The following PTPRD variants were observed in gnomAD, a reference collection of about 807,000 sequenced individuals.
PTPRD encodes receptor-type tyrosine-protein phosphatase delta.
PTPRD carries 34 observed loss-of-function variants against 214.5 expected under a neutral mutation model. That is an observed-to-expected ratio of 0.16 (90% CI 0.12 to 0.21). The LOEUF (loss-of-function observed/expected upper bound fraction) is 0.21, where lower values mean the gene tolerates loss of function less well. Ranked by LOEUF, PTPRD falls within the 10% of genes least tolerant of loss-of-function variation. The probability of loss-of-function intolerance (pLI) is 1.00; values close to 1 mark genes in which losing one functional copy is unlikely to be tolerated. For synonymous variants in PTPRD, 1,128 were observed against 845.7 expected (o/e 1.33, Z -5.79); for missense variants, 2,545 against 2,398.7 (o/e 1.06, Z -1.27).
intron 10 of PTPRD, chr9:9,090,858 A>G: frequency 1.1e-6 from 1 of 873,942 alleles, no homozygotes; most frequent in Non-Finnish European, 1.9e-6. Context: ...GACAGGTTAA[A>G]AATTTCTTTA....
intron 14 of PTPRD, among the ~76,000 whole-genome samples, chr9:8,618,265 T>G (rs1441376715): frequency 6.6e-6 from 1 of 152,100 alleles, no homozygotes; most frequent in African/African-American, 2.4e-5. Context: ...TTGTAAGATA[T>G]TTGGGTTCTG....
chr9:9,529,514 C>T (rs963856640), intron 8 of PTPRD, among the ~76,000 whole-genome samples: 1 of 151,976 alleles, frequency 6.6e-6, no homozygotes, highest in Middle Eastern at 3.2e-3. Context: ...GGAAAATAAA[C>T]ACATGAAAAG....
rs72708119 is a variant in PTPRD at position 8,952,066 on chromosome 9, A to G, written c.-104+66631T>C. On this transcript the variant is annotated intron_variant, in intron 11 of 45. Transcript: ENST00000381196. ...TAGAGTAGTCTTCCCTTACTTGACT[A>G]TAACTATTTACCTTATTTCTCTCTG... Among the ~76,000 whole-genome samples, 816 of 152,106 alleles carry G rather than the reference A, an allele frequency of 5.4e-3. 2 individuals are homozygous for G. Among genetic ancestry groups the G allele is most frequent in the African/African-American group, 0.011 (445 of 41,526 alleles).
chr9:10,253,417 T>C (rs2092966357), intron 3 of PTPRD, among the ~76,000 whole-genome samples: 1 of 152,180 alleles, frequency 6.6e-6, no homozygotes, highest in Non-Finnish European at 1.5e-5. Flanking sequence ...AGGCATGCAG[T>C]AGCTAAATTG....
At chr9:10,363,065 GT>G (rs1239593339) in intron 2 of PTPRD, among the ~76,000 whole-genome samples, 1 of 152,078 alleles carries the variant, frequency 6.6e-6, no homozygotes, top group Non-Finnish European at 1.5e-5. Flanking sequence ...GAGGTTCTTT[GT>G]TTAGTTTTGA....
At chr9:10,009,980 T>C (rs138440718) in intron 4 of PTPRD, among the ~76,000 whole-genome samples, 4 of 152,044 alleles carry the variant, frequency 2.6e-5, no homozygotes, top group South Asian at 4.1e-4. Flanking sequence ...CTTCCCATCA[T>C]GGCCTGAATT....
chr9:10,272,086 T>A (rs2094453292), intron 3 of PTPRD, among the ~76,000 whole-genome samples: 1 of 152,148 alleles, frequency 6.6e-6, no homozygotes, highest in Non-Finnish European at 1.5e-5. Context: ...TAACAGTCAC[T>A]CATCATTTCC....
rs944475835 is a variant in PTPRD at position 8,572,459 on chromosome 9, A to G, written c.353-43680T>C. On this transcript the variant is annotated intron_variant, in intron 14 of 45. Coordinates refer to ENST00000381196, the MANE Select transcript of PTPRD (RefSeq NM_002839.4). ...GCAGTTACACACATAAAATGACTTCAGGGAAACTCTTCACTTAGGGAAAAA... is the reference window on the plus strand; with the variant it reads ...GCAGTTACACACATAAAATGACTTCGGGGAAACTCTTCACTTAGGGAAAAA... Among the ~76,000 whole-genome samples the G allele has an allele frequency of 2.0e-5, 3 of 152,096 alleles. No homozygotes were observed. The East Asian group carries it at 5.8e-4, about 29-fold the overall frequency.
At chr9:9,289,483 A>T (rs763517312) in intron 9 of PTPRD, among the ~76,000 whole-genome samples, 4 of 151,670 alleles carry the variant, frequency 2.6e-5, no homozygotes, top group South Asian at 2.1e-4. Context: ...TACTATTTGC[A>T]TGTGTGTGTG....
intron 33 of PTPRD, among the ~76,000 whole-genome samples, chr9:8,450,935 T>TG (rs907781328): frequency 4.5e-4 from 69 of 152,094 alleles, no homozygotes; most frequent in Admixed American, 1.9e-3. Context: ...GTTTTTACTG[T>TG]GGGGGGGAAA....
chr9:9,437,631 G>C (rs1303796420), intron 8 of PTPRD, among the ~76,000 whole-genome samples: 1 of 152,130 alleles, frequency 6.6e-6, no homozygotes, highest in Non-Finnish European at 1.5e-5. Context: ...CTTCTTTTAA[G>C]ATGTAAATTA....
intron 10 of PTPRD, among the ~76,000 whole-genome samples, chr9:9,061,584 T>C (rs533678460): frequency 1.3e-5 from 2 of 152,282 alleles, no homozygotes; most frequent in East Asian, 3.9e-4. Flanking sequence ...GCTTAGATTA[T>C]TGGCCAGTTT....
chr9:9,004,472 CTG>C (rs1398621421), intron 11 of PTPRD, among the ~76,000 whole-genome samples: 2 of 151,870 alleles, frequency 1.3e-5, no homozygotes, highest in Non-Finnish European at 2.9e-5. Context: ...ACATAACACT[CTG>C]TGGCTGTTTT....
chr9:9,202,011 T>C (rs2099942124), intron 9 of PTPRD, among the ~76,000 whole-genome samples: 1 of 152,170 alleles, frequency 6.6e-6, no homozygotes. Context: ...CACGAACTTT[T>C]GGTGGAGTTC....
chr9:8,841,726 C>T (rs951124589), intron 11 of PTPRD, among the ~76,000 whole-genome samples: 1 of 146,794 alleles, frequency 6.8e-6, no homozygotes, highest in South Asian at 2.2e-4. Flanking sequence ...AAAAAAATGA[C>T]ATCAGCCTGG....
intron 14 of PTPRD, among the ~76,000 whole-genome samples, chr9:8,537,220 G>A (rs549057983): frequency 2.0e-5 from 3 of 152,032 alleles, no homozygotes; most frequent in East Asian, 3.9e-4. Context: ...CCGTTTTCTA[G>A]CAAAGTTGGG....
chr9:8,576,631 C>CAAAAAAAAAAAA (rs71317371), intron 14 of PTPRD, among the ~76,000 whole-genome samples: 1 of 116,030 alleles, frequency 8.6e-6, no homozygotes, highest in Non-Finnish European at 1.8e-5. Context: ...GCTAATGCAG[C>CAAAAAAAAAAAA]AAAAAAAAAA....
At chr9:10,510,558 T>C (rs1049473981) in intron 2 of PTPRD, among the ~76,000 whole-genome samples, 2 of 152,144 alleles carry the variant, frequency 1.3e-5, no homozygotes, top group African/African-American at 2.4e-5. Context: ...TTGCTTTTTG[T>C]GTATTTTTAA....
chr9:8,551,038 T>C (rs1352089301), intron 14 of PTPRD, among the ~76,000 whole-genome samples: 1 of 152,232 alleles, frequency 6.6e-6, no homozygotes, highest in Non-Finnish European at 1.5e-5. Flanking sequence ...CATGATACCA[T>C]AATGGCAAAT....
Sources: gnomAD v4.1 joint callset for allele counts (sites outside exome capture counted in the v4.1 genomes callset) on GRCh38, gnomAD v4.1.1 for gene constraint, MANE v1.5 for transcripts, NCBI Gene and HGNC (gene_info 2026-07-23, HGNC 2026-07-21) for gene names.